Variants in PRKCE observed in about 807,000 individuals in gnomAD.
PRKCE encodes the protein protein kinase C epsilon type.
PRKCE carries 16 observed loss-of-function variants against 85.4 expected under a neutral mutation model. The observed-to-expected ratio is 0.19, with a 90% CI of 0.13 to 0.28. The LOEUF (loss-of-function observed/expected upper bound fraction) is 0.28, where lower values mean the gene tolerates loss of function less well. PRKCE is among the 10% of genes least tolerant of loss of function. The pLI, the probability that PRKCE is intolerant of heterozygous loss-of-function variation, is 1.00. For synonymous variants in PRKCE, 388 were observed against 371.5 expected (o/e 1.04, Z -0.51); for missense variants, 573 against 975.2 (o/e 0.59, Z 5.49).
At chr2:46,147,720 A>C (rs543468651) in intron 12 of PRKCE, among the ~76,000 whole-genome samples, 1 of 152,338 alleles carries the variant, frequency 6.6e-6, no homozygotes, top group South Asian at 2.1e-4. Context: ...GCATTAGCCC[A>C]GTGCCCAGCC....
In PRKCE at chr2:45,651,874, CA is replaced by C. The variant is rs371105136; in HGVS notation, c.-226del. ...ACTTGCTCCAAACACGGACATCCCC[CA>C]GCTCTCCCCCCTCCCTGTTTTCCGT... is the stretch of plus-strand genomic sequence containing the variant. On this transcript the variant is annotated 5_prime_UTR_variant, in exon 1 of 15. Coordinates refer to ENST00000306156, the MANE Select transcript of PRKCE (RefSeq NM_005400.3). 2.1e-6 allele frequency: 1 copy of C among 470,368 alleles called. No homozygotes were observed. Among genetic ancestry groups the C allele is most frequent in the African/African-American group, 1.9e-5 (1 of 51,290 alleles). The allele number at this position is 470,368 out of a possible 1,614,324, so 29.1% of individuals were successfully genotyped here.
chr2:45,904,457 T>C (rs1165642592), intron 2 of PRKCE, among the ~76,000 whole-genome samples: 1 of 152,160 alleles, frequency 6.6e-6, no homozygotes, highest in African/African-American at 2.4e-5. Context: ...CACAGACTTA[T>C]ATCACATGTG....
chr2:46,106,909 C>G (rs1671771730), intron 11 of PRKCE, among the ~76,000 whole-genome samples: 1 of 152,218 alleles, frequency 6.6e-6, no homozygotes, highest in Non-Finnish European at 1.5e-5. Context: ...TTCTTCCCCA[C>G]CCTTCGATGA....
At chr2:45,693,272 A>G (rs574181146) in intron 1 of PRKCE, among the ~76,000 whole-genome samples, 3 of 152,330 alleles carry the variant, frequency 2.0e-5, no homozygotes, top group Non-Finnish European at 4.4e-5. Flanking sequence ...TGAAAGGAAG[A>G]TAAGTTTGCT....
At chr2:46,093,585 G>A (rs1036352764) in intron 11 of PRKCE, among the ~76,000 whole-genome samples, 1 of 149,934 alleles carries the variant, frequency 6.7e-6, no homozygotes, top group African/African-American at 2.5e-5. Context: ...CTGCCATGCA[G>A]TGTTACAATG....
In PRKCE at chr2:45,935,067, T is replaced by TCACACACACACACA. The variant is rs1553453521; in HGVS notation, c.413-41349_413-41336dup. ...CAAAGCGAGACACTCACTCTCTCTC[T>TCACACACACACACA]CACACACACACACACACACACACAC... On this transcript the variant is annotated intron_variant, in intron 2 of 14. Transcript: ENST00000306156. 7.9e-3 allele frequency among the ~76,000 whole-genome samples: 1,157 copies of TCACACACACACACA among 146,326 alleles called. 19 individuals are homozygous for TCACACACACACACA. Among genetic ancestry groups the TCACACACACACACA allele is most frequent in the African/African-American group, 0.028 (1,082 of 39,178 alleles).
intron 11 of PRKCE, among the ~76,000 whole-genome samples, chr2:46,129,451 C>T (rs889197817): frequency 2.0e-5 from 3 of 152,190 alleles, no homozygotes; most frequent in East Asian, 1.9e-4. Context: ...TGTTGATTGT[C>T]GCTTTCCACA....
chr2:46,048,934 T>C (rs1175430930), intron 10 of PRKCE, among the ~76,000 whole-genome samples: 2 of 152,130 alleles, frequency 1.3e-5, no homozygotes, highest in Non-Finnish European at 2.9e-5. Context: ...TGTGTTGTAA[T>C]AGTTGGCCTG....
chr2:45,680,978 A>G (rs1038626017), intron 1 of PRKCE, among the ~76,000 whole-genome samples: 2 of 152,224 alleles, frequency 1.3e-5, no homozygotes, highest in Non-Finnish European at 2.9e-5. Flanking sequence ...ATTATAATCT[A>G]TACATGTCAT....
At chr2:46,080,654 G>T (rs964128882) in intron 10 of PRKCE, among the ~76,000 whole-genome samples, 1 of 152,198 alleles carries the variant, frequency 6.6e-6, no homozygotes, top group South Asian at 2.1e-4. Context: ...GTGCTCCCTG[G>T]AGTGAAGGTT....
At chr2:45,834,905 G>T (rs924481241) in intron 1 of PRKCE, among the ~76,000 whole-genome samples, 5 of 152,180 alleles carry the variant, frequency 3.3e-5, no homozygotes, top group Admixed American at 2.6e-4. Context: ...AGGAAGTTCA[G>T]ATCCACAAAC....
chr2:46,082,736 G>A (rs1438361774), intron 10 of PRKCE, among the ~76,000 whole-genome samples: 2 of 152,214 alleles, frequency 1.3e-5, no homozygotes, highest in African/African-American at 4.8e-5. Context: ...TAGGGGGGAA[G>A]CCTGAAAGCC....
Position 46,004,236 on chromosome 2 carries a change from G to A in PRKCE, c.967-306G>A, listed in dbSNP as rs1704970413. 1.1e-5 allele frequency: 4 copies of A among 365,072 alleles called. No individual in the cohort carries two copies. In the Admixed American group the frequency reaches 1.5e-4, roughly 14 times the overall value. The allele number at this position is 365,072 out of a possible 1,614,324, so 22.6% of individuals were successfully genotyped here. On this transcript the variant is annotated intron_variant, in intron 7 of 14. Transcript: ENST00000306156. This position sits in a 1 kb window ranked among gnomAD's most constrained non-coding sequence, Gnocchi z 4.1. ...CCGAACTACTTCATCCTTTTGGATG[G>A]GGTTGGATCAAACATTGTACCTCTG...
intron 5 of PRKCE, among the ~76,000 whole-genome samples, chr2:45,983,357 C>T (rs984753640): frequency 4.6e-5 from 7 of 152,164 alleles, no homozygotes; most frequent in African/African-American, 1.7e-4. Flanking sequence ...CCAGCCACTT[C>T]CTAATCCCCG....
At chr2:46,057,189 G>T (rs1666665499) in intron 10 of PRKCE, among the ~76,000 whole-genome samples, 2 of 152,214 alleles carry the variant, frequency 1.3e-5, no homozygotes, top group Non-Finnish European at 2.9e-5. Context: ...TCCAGTGAAT[G>T]ATGTGGAAGA....
chr2:46,161,628 G>C (rs1038225449), intron 14 of PRKCE, among the ~76,000 whole-genome samples: 2 of 152,070 alleles, frequency 1.3e-5, no homozygotes, highest in Non-Finnish European at 2.9e-5. Context: ...ATCAGCAAGG[G>C]GTGTGAGGAG....
chr2:46,090,229 A>C (rs754593076), intron 11 of PRKCE, among the ~76,000 whole-genome samples: 13 of 152,090 alleles, frequency 8.5e-5, no homozygotes, highest in Non-Finnish European at 1.6e-4. Context: ...GGAGTTCAGG[A>C]ATTTGTATTT....
At chr2:45,659,845 T>G (rs1675554284) in intron 1 of PRKCE, among the ~76,000 whole-genome samples, 2 of 152,134 alleles carry the variant, frequency 1.3e-5, no homozygotes, top group South Asian at 4.1e-4. Context: ...GCCTTTTTTT[T>G]TTTTTACTCT....
chr2:46,101,877 A>T (rs950214730), intron 11 of PRKCE, among the ~76,000 whole-genome samples: 1 of 151,642 alleles, frequency 6.6e-6, no homozygotes, highest in Non-Finnish European at 1.5e-5. Context: ...AAAAAAAAAA[A>T]AAAAAACCCA....
Sources: gnomAD v4.1 joint callset for allele counts (sites outside exome capture counted in the v4.1 genomes callset) on GRCh38, gnomAD v4.1.1 for gene constraint, Gnocchi (gnomAD v3.1) non-coding constraint, MANE v1.5 for transcripts, NCBI Gene and HGNC (gene_info 2026-07-23, HGNC 2026-07-21) for gene names.